The following CNTN6 variants were observed in gnomAD, a reference collection of about 807,000 sequenced individuals.
The protein encoded by CNTN6 is contactin 6.
In CNTN6, 137 loss-of-function variants were observed where a neutral mutation model predicts 122.8. That is an observed-to-expected ratio of 1.12 (90% CI 0.97 to 1.29). The LOEUF (loss-of-function observed/expected upper bound fraction) is 1.29. CNTN6 is among the 50% of genes most tolerant of loss of function. The probability of loss-of-function intolerance (pLI) is 0.00; values close to 1 mark genes in which losing one functional copy is unlikely to be tolerated. For synonymous variants in CNTN6, 570 were observed against 426.0 expected, an observed-to-expected ratio of 1.34 and a Z score of -4.16; for missense variants, 1,634 against 1,223.4, an observed-to-expected ratio of 1.34 and a Z score of -5.01.
intron 4 of CNTN6, among the ~76,000 whole-genome samples, chr3:1,239,712 C>G (rs1367935806): frequency 6.6e-6 from 1 of 152,134 alleles, no homozygotes; most frequent in African/African-American, 2.4e-5. Flanking sequence ...GCCCACACAG[C>G]CAAAGCAAGA....
At chr3:1,184,069 T>A (rs1308235945) in intron 2 of CNTN6, among the ~76,000 whole-genome samples, 1 of 152,178 alleles carries the variant, frequency 6.6e-6, no homozygotes. Context: ...GAGTAGGTAG[T>A]AGAGATACTC....
chr3:1,327,988 G>A (rs1480514834), intron 10 of CNTN6, among the ~76,000 whole-genome samples: 2 of 151,970 alleles, frequency 1.3e-5, no homozygotes, highest in African/African-American at 4.8e-5. Context: ...TGGCTGCCGG[G>A]CATGGCACCT....
rs1465655979 is a variant in CNTN6, at chr3:1,278,489, C to T, written c.435C>T (p.Gly145=). 6.2e-7 allele frequency: 1 copy of T among 1,611,188 alleles called. No individual in the cohort carries two copies. The highest frequency in any genetic ancestry group is 8.5e-7 in the Non-Finnish European group (1 of 1,178,120). Residue 145 remains glycine (G), a synonymous_variant, in exon 5 of 23, where the codon GGC becomes GGT. Coordinates refer to ENST00000446702, the MANE Select transcript of CNTN6 (RefSeq NM_001289080.2). ...GTCAAGGTGTGGTGCTTCTCTGTGG[C>T]CCACCGCCACATTTTGGAGGTATGA... ...REGQGVVLLC[G]PPPHFGDLSY...
rs145012927 is a variant in CNTN6, at chr3:1,166,705, A to G, written c.55+18642A>G. On this transcript the variant is annotated intron_variant, in intron 2 of 22. Transcript: ENST00000446702. ...ACACCACAGAATACTATGCAGTCAT[A>G]AAAAAGAATGAGTTCATGTCCTTTG... Among the ~76,000 whole-genome samples, 395 of 152,292 alleles carry G rather than the reference A, an allele frequency of 2.6e-3. 1 individual carries two copies. Among genetic ancestry groups the G allele is most frequent in the African/African-American group, 8.9e-3 (370 of 41,580 alleles).
intron 7 of CNTN6, among the ~76,000 whole-genome samples, chr3:1,309,779 C>T (rs531125618): frequency 3.4e-4 from 52 of 152,204 alleles, no homozygotes; most frequent in African/African-American, 9.9e-4. Flanking sequence ...ACTATTTCTC[C>T]GCTTATTTCG....
chr3:1,331,853 A>C (rs1702336941), intron 11 of CNTN6, among the ~76,000 whole-genome samples: 1 of 151,824 alleles, frequency 6.6e-6, no homozygotes, highest in African/African-American at 2.4e-5. Flanking sequence ...AAAAAAGCTA[A>C]GATAATAAGA....
intron 4 of CNTN6, among the ~76,000 whole-genome samples, chr3:1,234,944 G>A (rs1035322334): frequency 6.6e-6 from 1 of 152,194 alleles, no homozygotes; most frequent in African/African-American, 2.4e-5. Context: ...CAAATAGACT[G>A]TAAGCAGTTG....
chr3:1,250,588 C>T (rs2094649072), intron 4 of CNTN6, among the ~76,000 whole-genome samples: 3 of 152,154 alleles, frequency 2.0e-5, no homozygotes, highest in African/African-American at 7.2e-5. Context: ...AGGCAGCAAG[C>T]CTGGAATTCT....
rs546269721 is a variant in CNTN6, at chr3:1,386,112, G to A, written c.2704+315G>A. On this transcript the variant is annotated intron_variant, in intron 20 of 22. Coordinates refer to ENST00000446702, the MANE Select transcript of CNTN6 (RefSeq NM_001289080.2). ...AAAACTGACCTCCTATCCTTGGAAC[G>A]TTAGGTGGTATTTATCTTTGAGTCT... Among the ~76,000 whole-genome samples the A allele has an allele frequency of 3.9e-4, 59 of 152,232 alleles. 1 individual carries two copies. In the South Asian group the frequency reaches 0.01, roughly 27 times the overall value.
intron 12 of CNTN6, among the ~76,000 whole-genome samples, chr3:1,361,650 T>A (rs1244266883): frequency 1.3e-5 from 2 of 152,118 alleles, no homozygotes; most frequent in Non-Finnish European, 2.9e-5. Flanking sequence ...TAATCTATTA[T>A]GAAACATTAA....
intron 7 of CNTN6, among the ~76,000 whole-genome samples, chr3:1,304,284 G>GT (rs758855417): frequency 7.8e-4 from 85 of 108,596 alleles, no homozygotes; most frequent in African/African-American, 1.5e-3. Context: ...CCAGAAAGAG[G>GT]TTTTTTTTTT....
At chr3:1,155,214 G>A (rs1415813289) in intron 2 of CNTN6, among the ~76,000 whole-genome samples, 1 of 152,116 alleles carries the variant, frequency 6.6e-6, no homozygotes, top group African/African-American at 2.4e-5. Flanking sequence ...CCTATACCTA[G>A]AGGAATATAA....
At chr3:1,276,255 A>G (rs972247492) in intron 4 of CNTN6, among the ~76,000 whole-genome samples, 1 of 152,124 alleles carries the variant, frequency 6.6e-6, no homozygotes, top group African/African-American at 2.4e-5. Context: ...TTAGTTTTTT[A>G]CTGTTGTTTT....
chr3:1,289,979 T>C (rs1162490916), intron 5 of CNTN6, among the ~76,000 whole-genome samples: 2 of 148,310 alleles, frequency 1.3e-5, no homozygotes, highest in Admixed American at 6.7e-5. Flanking sequence ...CGGCGAGTTT[T>C]ATCATTTTTA....
chr3:1,271,478 C>G (rs1485359761), intron 4 of CNTN6, among the ~76,000 whole-genome samples: 2 of 152,170 alleles, frequency 1.3e-5, no homozygotes, highest in African/African-American at 4.8e-5. Context: ...AAGGCTGACA[C>G]AGGCTCAAAA....
intron 1 of CNTN6, among the ~76,000 whole-genome samples, chr3:1,093,434 C>T (rs753138362): frequency 6.6e-6 from 1 of 151,910 alleles, no homozygotes; most frequent in Non-Finnish European, 1.5e-5. Context: ...ATGGGCAAGA[C>T]GGGATGACAG....
intron 12 of CNTN6, among the ~76,000 whole-genome samples, chr3:1,368,966 C>A (rs566678743): frequency 1.3e-5 from 2 of 152,288 alleles, no homozygotes; most frequent in African/African-American, 4.8e-5. Flanking sequence ...TGGCTTATAT[C>A]CTGACCAAGG....
At chr3:1,221,008 TG>T (rs2094200697) in intron 3 of CNTN6, among the ~76,000 whole-genome samples, 195 bp downstream of exon 3, 1 of 152,176 alleles carries the variant, frequency 6.6e-6, no homozygotes, top group Non-Finnish European at 1.5e-5. Flanking sequence ...TATTCCCTCA[TG>T]CCGCTTTCCA....
chr3:1,357,881 T>C (rs1169651919), intron 12 of CNTN6, among the ~76,000 whole-genome samples: 3 of 148,996 alleles, frequency 2.0e-5, no homozygotes, highest in Non-Finnish European at 3.0e-5. Flanking sequence ...CACATTTATG[T>C]AAAATTTACA....
Sources: gnomAD v4.1 joint callset for allele counts (sites outside exome capture counted in the v4.1 genomes callset) on GRCh38, gnomAD v4.1.1 for gene constraint, MANE v1.5 for transcripts, NCBI Gene and HGNC (gene_info 2026-07-23, HGNC 2026-07-21) for gene names.